Variants in LRRC8E observed in about 807,000 individuals in gnomAD.
LRRC8E encodes volume-regulated anion channel subunit LRRC8E.
LRRC8E carries 6 observed loss-of-function variants against 6.1 expected under a neutral mutation model. That is an observed-to-expected ratio of 0.98 (90% CI 0.54 to 1.93). The LOEUF is 1.93. LRRC8E is among the 30% of genes most tolerant of loss of function. LRRC8E has a pLI of 0.01. For synonymous variants in LRRC8E, 485 were observed against 472.8 expected (o/e 1.03, Z -0.33); for missense variants, 1,028 against 1,031.4 (o/e 1.00, Z 0.04).
intron 1 of LRRC8E, among the ~76,000 whole-genome samples, chr19:7,894,762 G>A (rs1196324262): frequency 2.6e-5 from 4 of 152,194 alleles, no homozygotes; most frequent in Admixed American, 2.0e-4. Context: ...TCTAAAAGGA[G>A]ACCCTGGGAA....
At chr19:7,897,486 T>C (rs1049444140) in intron 2 of LRRC8E, among the ~76,000 whole-genome samples, 1 of 145,072 alleles carries the variant, frequency 6.9e-6, no homozygotes, top group Admixed American at 6.9e-5. Flanking sequence ...TCGAGACAGT[T>C]TTTTTTTTTT....
chr19:7,900,049 G>A lies in LRRC8E; in HGVS notation c.1527G>A (p.Leu509=). 1 of 1,611,062 alleles carries A rather than the reference G, an allele frequency of 6.2e-7. No homozygotes were observed. The change falls in exon 3 of 3, where the codon TTG becomes TTA. Residue 509 remains leucine, a synonymous_variant. Transcript: ENST00000306708. The surrounding 1 kb of genome is among the most constrained non-coding windows in gnomAD (Gnocchi z 5.0). ...VPLWVFGLRG[L]EELHLEGLFP... is the part of the protein sequence containing the mutation. ...TTTGGGTGTTTGGGCTGCGGGGCTTGGAGGAGCTGCACCTGGAGGGGCTTT... is the reference window on the plus strand; with the variant it reads ...TTTGGGTGTTTGGGCTGCGGGGCTTAGAGGAGCTGCACCTGGAGGGGCTTT...
At position 7,899,071 on chromosome 19, in the gene LRRC8E, T is replaced by C. The variant is rs2145111300; in HGVS notation, c.549T>C (p.Ala183=). 6.2e-7 allele frequency: 1 copy of C among 1,612,744 alleles called. No homozygotes were observed. The highest frequency in any genetic ancestry group is 8.5e-7 in the Non-Finnish European group (1 of 1,179,304). The change falls in exon 3 of 3, where the codon GCT becomes GCC. Residue 183 remains alanine (A), a synonymous_variant. Coordinates refer to ENST00000306708, the MANE Select transcript of LRRC8E (RefSeq NM_025061.6). ...AGGGCCCAGCAGCCACCGAACGGGC[T>C]GCGGCCACCATAGTGGCCATGGCAG... ...NQKGPAATER[A]AATIVAMAGT...
intron 1 of LRRC8E, among the ~76,000 whole-genome samples, chr19:7,891,559 G>A (rs1388184580): frequency 6.7e-6 from 1 of 149,390 alleles, no homozygotes; most frequent in Non-Finnish European, 1.5e-5. Context: ...GTGTGTGTGT[G>A]TGTGTGTTGT....
Position 7,899,202 on chromosome 19 carries a change from AG to A in LRRC8E, c.683del (p.Gly228ValfsTer11). On this transcript the variant is annotated frameshift_variant, in exon 3 of 3. Transcript: ENST00000306708. LOFTEE classifies it low-confidence loss of function (END_TRUNC). ...GTTGTCACCCTGTTGGACAAGAAGGAGGGTGAGCAAGCCAAAGCCCTGTTTG... is the reference window on the plus strand; with the variant it reads ...GTTGTCACCCTGTTGGACAAGAAGGAGGTGAGCAAGCCAAAGCCCTGTTTG... The part of the protein sequence containing the change: ...PPVVTLLDKK[E>X]GEQAKALFEK... The A allele has an allele frequency of 6.2e-7, 1 of 1,614,182 alleles. No individual in the cohort carries two copies. The highest frequency in any genetic ancestry group is 1.1e-5 in the South Asian group (1 of 91,082).
At chr19:7,894,803 A>G (rs919792261) in intron 1 of LRRC8E, among the ~76,000 whole-genome samples, 2 of 152,242 alleles carry the variant, frequency 1.3e-5, no homozygotes, top group African/African-American at 2.4e-5. Flanking sequence ...GGAGCCTGAC[A>G]GCACAGCCCT....
chr19:7,889,816 C>G (rs950440265), intron 1 of LRRC8E, among the ~76,000 whole-genome samples: 2 of 149,728 alleles, frequency 1.3e-5, no homozygotes, highest in Non-Finnish European at 3.0e-5. Flanking sequence ...GTGGCACGAT[C>G]TTGGCTCACG....
intron 1 of LRRC8E, among the ~76,000 whole-genome samples, chr19:7,891,220 G>C (rs1981291126): frequency 6.6e-6 from 1 of 152,226 alleles, no homozygotes; most frequent in African/African-American, 2.4e-5. Flanking sequence ...GGTGGAGAAA[G>C]CTGAGCGTAT....
rs757104319 is a variant in LRRC8E at position 7,899,980 on chromosome 19, G to A, written c.1458G>A (p.Leu486=). The change falls in exon 3 of 3, where the codon CTG becomes CTA. Residue 486 remains leucine, a synonymous_variant. Transcript: ENST00000306708. The part of the protein sequence containing the change: ...FSLQVFLRDH[L]KVMRVKCEEL... ...TGCAGGTCTTCCTGCGGGACCACCT[G>A]AAGGTGATGCGCGTCAAATGCGAGG... 5 of 1,609,644 alleles carry A rather than the reference G, an allele frequency of 3.1e-6. No homozygotes were observed. The highest frequency in any genetic ancestry group is 4.2e-6 in the Non-Finnish European group (5 of 1,179,754).
rs577011407 is a variant in LRRC8E, at chr19:7,891,524, GGTGT to G, written c.-6+2943_-6+2946del. On this transcript the variant is annotated intron_variant, in intron 1 of 2. Transcript: ENST00000306708. Reference sequence around the variant, plus strand: ...AGGACAGGAAGTTGGTCCCTGCTCGGGTGTGTGTGTGTGTGTGTGTGTTTGTGTG... The same window carrying G: ...AGGACAGGAAGTTGGTCCCTGCTCGGGTGTGTGTGTGTGTGTGTTTGTGTG... Among the ~76,000 whole-genome samples, 831 of 125,934 alleles carry G rather than the reference GGTGT, an allele frequency of 6.6e-3. 4 individuals are homozygous for G. The highest frequency in any genetic ancestry group is 0.039 in the Middle Eastern group (9 of 228). 82.6% of individuals were successfully genotyped at this position (125,934 alleles called of 152,430 possible). A position where few individuals can be genotyped will look rare whatever the true frequency, so the allele number is the denominator to read the frequency against.
At position 7,901,715 on chromosome 19, in the gene LRRC8E, A is replaced by C. The variant is rs74710490; in HGVS notation, c.*802A>C. The C allele has an allele frequency of 2.7e-5, 1 of 36,684 alleles. No homozygotes were observed. The highest frequency in any genetic ancestry group is 5.1e-5 in the African/African-American group (1 of 19,694). The allele number at this position is 36,684 out of a possible 1,614,324, so 2.3% of individuals were successfully genotyped here. ...AACATAGCGAGACCCCACCTCTGCC[A>C]AAAAAAAAAAAAATAGGGTATCCAA... On this transcript the variant is annotated 3_prime_UTR_variant, in exon 3 of 3. Coordinates refer to ENST00000306708, the MANE Select transcript of LRRC8E (RefSeq NM_025061.6).
chr19:7,899,636 C>T lies in LRRC8E; in HGVS notation c.1114C>T (p.Gln372Ter). The T allele has an allele frequency of 6.2e-7, 1 of 1,613,786 alleles. No individual in the cohort carries two copies. Residue 372 changes from glutamine to a stop codon, truncating the protein, a stop_gained, in exon 3 of 3, where the codon CAG becomes TAG. Transcript: ENST00000306708. LOFTEE classifies it low-confidence loss of function (END_TRUNC). ...DFAFMLHLIDQYDSLYSKRFA... is the reference protein window; with the variant it reads ...DFAFMLHLID ...CGCCTTCATGCTGCACCTCATCGAT[C>T]AGTACGACTCCCTCTACTCCAAGCG...
chr19:7,898,859 T>C lies in LRRC8E; in HGVS notation c.337T>C (p.Trp113Arg). ...NQLCYETALH[W>R]YAKYFPYLVV... is the part of the protein sequence containing the mutation. ...GCTGTGTTATGAGACGGCCCTGCAC[T>C]GGTATGCCAAGTACTTCCCTTACCT... The change falls in exon 3 of 3, where the codon TGG (tryptophan) becomes CGG (arginine). Residue 113 changes from tryptophan to arginine, a missense_variant. Trp to Arg is a moderately radical substitution (Grantham distance 101). Transcript: ENST00000306708. 1 of 1,614,258 alleles carries C rather than the reference T, an allele frequency of 6.2e-7. No individual in the cohort carries two copies. Among genetic ancestry groups the C allele is most frequent in the Non-Finnish European group, 8.5e-7 (1 of 1,180,040 alleles).
rs1352620702 is a variant in LRRC8E, at chr19:7,899,178, T to C, written c.656T>C (p.Val219Ala). ...GAGAAGGTGGTGACCGAGCCTCCAG[T>C]TGTCACCCTGTTGGACAAGAAGGAG... ...EPEKVVTEPP[V>A]VTLLDKKEGE... Residue 219 changes from valine (V) to alanine (A), a missense_variant, in exon 3 of 3, where the codon GTT becomes GCT. Coordinates refer to ENST00000306708, the MANE Select transcript of LRRC8E (RefSeq NM_025061.6). 1.9e-6 allele frequency: 3 copies of C among 1,613,886 alleles called. No individual in the cohort carries two copies. The highest frequency in any genetic ancestry group is 4.5e-5 in the East Asian group (2 of 44,888).
At chr19:7,892,382 G>T (rs917132574) in intron 1 of LRRC8E, among the ~76,000 whole-genome samples, 1 of 151,896 alleles carries the variant, frequency 6.6e-6, no homozygotes, top group Non-Finnish European at 1.5e-5. Context: ...CAAATTTTTA[G>T]ATTTTTTTGT....
At position 7,900,941 on chromosome 19, in the gene LRRC8E, G is replaced by A. The variant is rs767925498; in HGVS notation, c.*28G>A. ...CTGGGGTGGGGCCGTTTTAGGTAGA[G>A]CCTTAAAAATGCTTCTGCCCTGGAA... On this transcript the variant is annotated 3_prime_UTR_variant, in exon 3 of 3. Coordinates refer to ENST00000306708, the MANE Select transcript of LRRC8E (RefSeq NM_025061.6). This position sits in a 1 kb window ranked among gnomAD's most constrained non-coding sequence, Gnocchi z 5.0. 3 of 1,462,206 alleles carry A rather than the reference G, an allele frequency of 2.1e-6. No homozygotes were observed. The highest frequency in any genetic ancestry group is 1.4e-5 in the African/African-American group (1 of 70,102). The allele number at this position is 1,462,206 out of a possible 1,614,324, so 90.6% of individuals were successfully genotyped here.
At chr19:7,893,137 G>C (rs1461025060) in intron 1 of LRRC8E, among the ~76,000 whole-genome samples, 1 of 152,156 alleles carries the variant, frequency 6.6e-6, no homozygotes, top group African/African-American at 2.4e-5. Context: ...CTCCCTAGTA[G>C]CTGGGATTAC....
chr19:7,901,480 G>C lies in LRRC8E; in HGVS notation c.*567G>C, dbSNP rs1982013908. ...TCCCAGTCCCCTCCCCTGAAACACT[G>C]ACTCAGGAGGTTTGGTTGGGGGCCA... On this transcript the variant is annotated 3_prime_UTR_variant, in exon 3 of 3. Transcript: ENST00000306708. The C allele has an allele frequency of 6.6e-6, 1 of 152,264 alleles. No homozygotes were observed. The highest frequency in any genetic ancestry group is 1.5e-5 in the Non-Finnish European group (1 of 68,102). 9.4% of individuals were successfully genotyped at this position (152,264 alleles called of 1,614,324 possible).
chr19:7,895,965 T>TCA lies in LRRC8E; in HGVS notation c.138+225_138+226insAC. 6.6e-6 allele frequency among the ~76,000 whole-genome samples: 1 copy of TCA among 152,020 alleles called. No homozygotes were observed. Among genetic ancestry groups the TCA allele is most frequent in the Admixed American group, 6.6e-5 (1 of 15,252 alleles). On this transcript the variant is annotated intron_variant, in intron 2 of 2. Coordinates refer to ENST00000306708, the MANE Select transcript of LRRC8E (RefSeq NM_025061.6). This position sits in a 1 kb window ranked among gnomAD's most constrained non-coding sequence, Gnocchi z 4.7. Reference sequence around the variant, plus strand: ...TCTTTTTTTCTTTTTTGAGACGGAGTCTCACTCTGTCACCCAGGCTAGAGT... The same window carrying TCA: ...TCTTTTTTTCTTTTTTGAGACGGAGTCACTCACTCTGTCACCCAGGCTAGAGT...
Sources: gnomAD v4.1 joint callset for allele counts (sites outside exome capture counted in the v4.1 genomes callset) on GRCh38, gnomAD v4.1.1 for gene constraint, Gnocchi (gnomAD v3.1) non-coding constraint, MANE v1.5 for transcripts, NCBI Gene and HGNC (gene_info 2026-07-23, HGNC 2026-07-21) for gene names.